The following MYO16 variants were observed in gnomAD, a reference collection of about 807,000 sequenced individuals.
MYO16 encodes the protein myosin XVI, also known as unconventional myosin-XVI.
A neutral mutation model predicts 205.3 loss-of-function variants in MYO16; 94 were observed. That is an observed-to-expected ratio of 0.46 (90% CI 0.39 to 0.54). MYO16 has a LOEUF of 0.54. MYO16 is among the 20% of genes least tolerant of loss of function. MYO16 has a pLI of 0.00. For missense variants in MYO16, 2,315 were observed against 2,387.5 expected (o/e 0.97, Z 0.63); for synonymous variants, 988 against 954.0 (o/e 1.04, Z -0.66).
intron 1 of MYO16, among the ~76,000 whole-genome samples, chr13:108,597,764 T>A (rs1389673893): frequency 6.6e-6 from 1 of 152,158 alleles, no homozygotes. Context: ...TACCGGTGGT[T>A]TCATGCGGTC....
chr13:109,140,686 G>T lies in MYO16; in HGVS notation c.4474G>T (p.Gly1492Trp). The T allele has an allele frequency of 1.4e-6, 2 of 1,478,916 alleles. No individual in the cohort carries two copies. Among genetic ancestry groups the T allele is most frequent in the Non-Finnish European group, 1.8e-6 (2 of 1,118,290 alleles). 91.6% of individuals were successfully genotyped at this position (1,478,916 alleles called of 1,614,324 possible). The change falls in exon 32 of 35, where the codon GGG becomes TGG. Residue 1492 changes from glycine (G) to tryptophan (W), a missense_variant. Coordinates refer to ENST00000457511, the MANE Select transcript of MYO16 (RefSeq NM_001198950.3). The surrounding 1 kb of genome is among the most constrained non-coding windows in gnomAD (Gnocchi z 8.0). ...LHRAPEDEAA[G>W]PPGDACDIPP... Reference sequence around the variant, plus strand: ...CCGCGCGCCGGAGGACGAGGCGGCGGGGCCCCCAGGGGACGCGTGCGACAT... The same window carrying T: ...CCGCGCGCCGGAGGACGAGGCGGCGTGGCCCCCAGGGGACGCGTGCGACAT...
chr13:108,900,379 T>TA (rs1348451491), intron 15 of MYO16, among the ~76,000 whole-genome samples: 1 of 152,130 alleles, frequency 6.6e-6, no homozygotes, highest in Non-Finnish European at 1.5e-5. Context: ...CCAGAGGTGA[T>TA]ACATATTCAT....
intron 16 of MYO16, among the ~76,000 whole-genome samples, chr13:108,951,058 TTTAC>T (rs1883129939): frequency 1.3e-5 from 2 of 152,238 alleles, no homozygotes; most frequent in Admixed American, 1.3e-4. Flanking sequence ...GTTTTTGTTT[TTTAC>T]TTTAAGTTCT....
chr13:109,168,952 T>C (rs1594153097), intron 33 of MYO16, among the ~76,000 whole-genome samples: 1 of 152,096 alleles, frequency 6.6e-6, no homozygotes, highest in African/African-American at 2.4e-5. Flanking sequence ...GCTTTTAGTG[T>C]CCACATCAAC....
chr13:108,581,013 T>G, the MYO16 span, among the ~76,000 whole-genome samples: 3 of 152,328 alleles, frequency 2.0e-5, no homozygotes, highest in Non-Finnish European at 2.9e-5. Flanking sequence ...AAAATTAAGT[T>G]TTTTTCTTCT....
At chr13:109,192,190 A>T (rs1446146955) in intron 34 of MYO16, among the ~76,000 whole-genome samples, 1 of 152,210 alleles carries the variant, frequency 6.6e-6, no homozygotes, top group Non-Finnish European at 1.5e-5. Flanking sequence ...TCTAAAACAG[A>T]TGAGCTGTGA....
At chr13:108,863,157 G>T (rs550521029) in intron 11 of MYO16, among the ~76,000 whole-genome samples, 1 of 152,000 alleles carries the variant, frequency 6.6e-6, no homozygotes, top group African/African-American at 2.4e-5. Flanking sequence ...TGCAAATGAT[G>T]ACTTTTATTT....
At chr13:109,065,406 A>C (rs1050472547) in intron 27 of MYO16, among the ~76,000 whole-genome samples, 1 of 152,014 alleles carries the variant, frequency 6.6e-6, no homozygotes, top group Non-Finnish European at 1.5e-5. Flanking sequence ...TATACATATT[A>C]ATTATTATTT....
chr13:108,590,706 A>G, the MYO16 span, among the ~76,000 whole-genome samples: 3 of 152,162 alleles, frequency 2.0e-5, no homozygotes, highest in Non-Finnish European at 4.4e-5. Context: ...AAAAGAGAGA[A>G]GGCCTTGTGA....
chr13:108,527,994 A>G, the MYO16 span, among the ~76,000 whole-genome samples: 1 of 152,160 alleles, frequency 6.6e-6, no homozygotes, highest in African/African-American at 2.4e-5. Flanking sequence ...CACTTCAGTG[A>G]CAGTTCACTC....
intron 12 of MYO16, among the ~76,000 whole-genome samples, chr13:108,871,350 G>GTGTGTGGTGTA (rs1555307583): frequency 3.4e-5 from 5 of 147,212 alleles, no homozygotes; most frequent in Non-Finnish European, 7.4e-5. Context: ...GTGTGTGTGT[G>GTGTGTGGTGTA]TGTGTGTGTG....
intron 16 of MYO16, among the ~76,000 whole-genome samples, chr13:108,947,786 G>C (rs1882994542): frequency 6.6e-6 from 1 of 152,238 alleles, no homozygotes. Context: ...TGTTTCACCA[G>C]ATGTTTTGAA....
At chr13:108,893,329 A>G (rs982939210) in intron 14 of MYO16, among the ~76,000 whole-genome samples, 10 of 152,218 alleles carry the variant, frequency 6.6e-5, no homozygotes, top group African/African-American at 1.4e-4. Context: ...AATCTTCACA[A>G]TGTCATTGAT....
At chr13:108,909,895 G>T in intron 15 of MYO16, 108 bp from the exon 16 acceptor site, 1 of 1,140,332 alleles carries the variant, frequency 8.8e-7, no homozygotes, top group Non-Finnish European at 1.2e-6. Context: ...ATGGGAAAGG[G>T]AGAACTCAAC....
chr13:109,190,529 G>T (rs1879866634), intron 34 of MYO16, among the ~76,000 whole-genome samples: 1 of 152,166 alleles, frequency 6.6e-6, no homozygotes, highest in South Asian at 2.1e-4. Flanking sequence ...TCAGCTCAGT[G>T]TAATTGTTAA....
chr13:108,521,705 AAATGT>A, the MYO16 span, among the ~76,000 whole-genome samples: 3 of 152,284 alleles, frequency 2.0e-5, no homozygotes, highest in East Asian at 3.9e-4. Context: ...CTTTGCTTGT[AAATGT>A]AATTATATAT....
chr13:108,549,095 G>C, the MYO16 span, among the ~76,000 whole-genome samples: 2 of 152,322 alleles, frequency 1.3e-5, no homozygotes, highest in Non-Finnish European at 1.5e-5. Context: ...CCCATATGTT[G>C]TAGGCAGAAT....
At chr13:109,096,393 A>T (rs4773029) in intron 27 of MYO16, among the ~76,000 whole-genome samples, 76,349 of 151,892 alleles carry the variant, frequency 0.5, 19,252 homozygotes, top group Middle Eastern at 0.55. Context: ...TACCCTAATG[A>T]TCTCGCCTTA....
upstream of MYO16, among the ~76,000 whole-genome samples, chr13:108,592,558 A>G (rs116729571): frequency 0.021 from 2,746 of 128,658 alleles, 116 homozygotes; most frequent in African/African-American, 0.079. Context: ...GGTGTGGGGT[A>G]TGGAGTGAGG....
Sources: allele counts gnomAD v4.1 joint callset (sites outside exome capture counted in the v4.1 genomes callset), GRCh38; gene constraint gnomAD v4.1.1; non-coding constraint Gnocchi (gnomAD v3.1); transcripts MANE v1.5; gene names NCBI Gene and HGNC (gene_info 2026-07-23, HGNC 2026-07-21).